PARP14: variants seen among roughly 807,000 people sequenced by gnomAD.
The protein encoded by PARP14 is poly(ADP-ribose) polymerase family member 14, also known as protein mono-ADP-ribosyltransferase PARP14.
Under a neutral mutation model 154.2 loss-of-function variants are expected in PARP14, and 59 were observed. That is an observed-to-expected ratio of 0.38 (90% CI 0.31 to 0.48). The LOEUF (loss-of-function observed/expected upper bound fraction) is 0.48, where lower values mean the gene tolerates loss of function less well. Among genes scored for constraint, PARP14 ranks in the 20% least tolerant of loss-of-function variants. The probability of loss-of-function intolerance (pLI) is 0.98; values close to 1 mark genes in which losing one functional copy is unlikely to be tolerated. For missense variants in PARP14, 1,734 were observed against 2,131.6 expected (o/e 0.81, Z 3.67); for synonymous variants, 720 against 780.5 (o/e 0.92, Z 1.29).
intron 4 of PARP14, 82 bp downstream of exon 4, chr3:122,692,625 T>A (rs985223096): frequency 6.5e-5 from 79 of 1,211,688 alleles, no homozygotes; most frequent in Middle Eastern, 2.0e-4. Flanking sequence ...GGGACATCTC[T>A]GAAAGTTTGA....
In PARP14 at chr3:122,718,294, T is replaced by C. The variant is rs138508840; in HGVS notation, c.4207+17T>C. ...AACTTGCATGTGAGTTCTTTGTTTT[T>C]ATGAAATGCATGTTCATAACGTTGA... On this transcript the variant is annotated intron_variant, in intron 13 of 16. Coordinates refer to ENST00000474629, the MANE Select transcript of PARP14 (RefSeq NM_017554.3). 125 of 1,612,970 alleles carry C rather than the reference T, an allele frequency of 7.7e-5. No homozygotes were observed. The African/African-American group carries it at 1.5e-3, about 19-fold the overall frequency.
rs776120839 is a variant in PARP14 at position 122,695,567 on chromosome 3, T to G, written c.740T>G (p.Phe247Cys). Residue 247 changes from phenylalanine to cysteine, a missense_variant, in exon 5 of 17, where the codon TTC becomes TGC. Transcript: ENST00000474629. ...PGADDYSLKL[F>C]FENPYNGGGR... ...GCTGATGACTACAGTTTAAAACTTTTCTTTGAAAATCCCTATAATGGAGGG... is the reference window on the plus strand; with the variant it reads ...GCTGATGACTACAGTTTAAAACTTTGCTTTGAAAATCCCTATAATGGAGGG... 13 of 1,610,566 alleles carry G rather than the reference T, an allele frequency of 8.1e-6. No individual in the cohort carries two copies. In the Admixed American group the frequency reaches 1.5e-4, roughly 19 times the overall value.
chr3:122,714,843 C>T (rs1469550166), intron 12 of PARP14, among the ~76,000 whole-genome samples: 1 of 152,192 alleles, frequency 6.6e-6, no homozygotes, highest in Non-Finnish European at 1.5e-5. Flanking sequence ...AGTACAACAA[C>T]TTCCACCTCA....
chr3:122,706,216 A>C (rs1036242397), intron 8 of PARP14, among the ~76,000 whole-genome samples: 2 of 152,224 alleles, frequency 1.3e-5, no homozygotes, highest in African/African-American at 4.8e-5. Flanking sequence ...GAATTAGTCT[A>C]TACAGATGCC....
At chr3:122,723,763 C>T (rs752113698) in intron 15 of PARP14, among the ~76,000 whole-genome samples, 3 of 152,272 alleles carry the variant, frequency 2.0e-5, no homozygotes, top group Middle Eastern at 3.4e-3. Flanking sequence ...GATGATACTT[C>T]GTCAGCATAT....
At chr3:122,723,959 A>G (rs1006362511) in intron 15 of PARP14, among the ~76,000 whole-genome samples, 2 of 152,118 alleles carry the variant, frequency 1.3e-5, no homozygotes, top group South Asian at 2.1e-4. Context: ...TTTGAAAAAA[A>G]TCAGTATGTT....
intron 1 of PARP14, among the ~76,000 whole-genome samples, chr3:122,682,052 A>G (rs1357463080): frequency 1.3e-5 from 2 of 152,192 alleles, no homozygotes; most frequent in Admixed American, 6.5e-5. Flanking sequence ...GGGATCCAAA[A>G]AGGAAAAATG....
At chr3:122,714,458 A>G in intron 12 of PARP14, 29 bp downstream of exon 12, 1 of 1,508,434 alleles carries the variant, frequency 6.6e-7, no homozygotes. Context: ...TCAAGGCTAA[A>G]TCCCAAGCCA....
chr3:122,727,705 C>T (rs1933322595), intron 15 of PARP14, 107 bp from the exon 16 acceptor site: 2 of 610,616 alleles, frequency 3.3e-6, no homozygotes, highest in South Asian at 3.5e-5. Context: ...ATTGGATTTG[C>T]TGTTTAGTGT....
chr3:122,685,078 G>T, intron 1 of PARP14, 107 bp from the exon 2 acceptor site: 1 of 1,252,510 alleles, frequency 8.0e-7, no homozygotes, highest in South Asian at 1.4e-5. Context: ...TTGAGAAACC[G>T]ACCAAGCCAT....
At position 122,713,919 on chromosome 3, in the gene PARP14, G is replaced by C; in HGVS notation, c.3817G>C (p.Glu1273Gln). ...ATGTGCTGGACAAAATGTAGAAAGG[G>C]AATGTTCTCAGCAAGGTAAGGCATA... The part of the protein sequence containing the change: ...LECAGQNVER[E>Q]CSQQAQQRKN... Residue 1273 changes from glutamate (E) to glutamine (Q), a missense_variant, in exon 11 of 17, where the codon GAA becomes CAA. Transcript: ENST00000474629. 6.2e-7 allele frequency: 1 copy of C among 1,612,612 alleles called. No individual in the cohort carries two copies. Among genetic ancestry groups the C allele is most frequent in the Non-Finnish European group, 8.5e-7 (1 of 1,178,696 alleles).
rs143643912 is a variant in PARP14, at chr3:122,686,390, T to C, written c.322-690T>C. 6.9e-3 allele frequency among the ~76,000 whole-genome samples: 1,054 copies of C among 152,104 alleles called. 5 individuals are homozygous for C. The highest frequency in any genetic ancestry group is 0.022 in the African/African-American group (922 of 41,494). On this transcript the variant is annotated intron_variant, in intron 2 of 16. Transcript: ENST00000474629. ...GGCTGCTCTTGAACTGCTGGGCTCATGTGATCCACTTGCCTTGGCCTCCCA... is the reference window on the plus strand; with the variant it reads ...GGCTGCTCTTGAACTGCTGGGCTCACGTGATCCACTTGCCTTGGCCTCCCA...
Position 122,700,280 on chromosome 3 carries a change from C to G in PARP14, c.1726C>G (p.Leu576Val). 1 of 1,613,128 alleles carries G rather than the reference C, an allele frequency of 6.2e-7. No individual in the cohort carries two copies. The part of the protein sequence containing the change: ...ALYELEGTTV[L>V]LTSCSSEALL... Reference sequence around the variant, plus strand: ...TTATGAGCTAGAGGGTACAACTGTTCTCTTAACCAGCTGTTCTTCTGAAGC... The same window carrying G: ...TTATGAGCTAGAGGGTACAACTGTTGTCTTAACCAGCTGTTCTTCTGAAGC... Residue 576 changes from leucine (L) to valine (V), a missense_variant, in exon 6 of 17, where the codon CTC becomes GTC. Physicochemically the swap from Leu to Val is conservative, Grantham distance 32 (BLOSUM62 1). Around this residue, in one of 2 missense-constraint regions of PARP14, gnomAD observed 1,646 missense variants for 1,976.0 expected, o/e 0.83. Transcript: ENST00000474629.
intron 15 of PARP14, among the ~76,000 whole-genome samples, chr3:122,725,926 A>T (rs1330075087): frequency 2.0e-5 from 3 of 152,080 alleles, no homozygotes; most frequent in Non-Finnish European, 4.4e-5. Context: ...GTTGTTAGTT[A>T]TACATTCTAA....
chr3:122,693,418 A>C (rs756984840), intron 4 of PARP14, among the ~76,000 whole-genome samples: 4 of 152,190 alleles, frequency 2.6e-5, no homozygotes, highest in Non-Finnish European at 5.9e-5. Context: ...CTGCCATTTA[A>C]CTAGTTATAT....
intron 16 of PARP14, 131 bp from the exon 17 acceptor site, chr3:122,728,177 G>A (rs1056952676): frequency 1.0e-5 from 10 of 957,424 alleles, no homozygotes; most frequent in African/African-American, 1.7e-5. Context: ...AAAAATTGAT[G>A]ATTAAAAGTG....
chr3:122,715,595 C>CTATCT (rs773976481), intron 12 of PARP14, among the ~76,000 whole-genome samples: 2 of 142,468 alleles, frequency 1.4e-5, no homozygotes, highest in African/African-American at 5.3e-5. Context: ...CTCTACCAGT[C>CTATCT]ATCTATCTAT....
chr3:122,681,503 T>C lies in PARP14; in HGVS notation c.187+433T>C, dbSNP rs1425783057. ...AACGTGGCAAGTCACAGAGATTCCTTGTGGTTCTTGGAGATTCCCAGGGGT... is the reference window on the plus strand; with the variant it reads ...AACGTGGCAAGTCACAGAGATTCCTCGTGGTTCTTGGAGATTCCCAGGGGT... On this transcript the variant is annotated intron_variant, in intron 1 of 16. Transcript: ENST00000474629. This position sits in a 1 kb window ranked among gnomAD's most constrained non-coding sequence, Gnocchi z 5.5. Among the ~76,000 whole-genome samples the C allele has an allele frequency of 6.6e-6, 1 of 152,082 alleles. No homozygotes were observed. Among genetic ancestry groups the C allele is most frequent in the Non-Finnish European group, 1.5e-5 (1 of 68,012 alleles).
At chr3:122,728,042 A>G (rs1933334255) in intron 16 of PARP14, 56 bp downstream of exon 16, 1 of 1,502,140 alleles carries the variant, frequency 6.7e-7, no homozygotes, top group East Asian at 2.3e-5. Context: ...TGAGAGCCCG[A>G]GTTGGCTGGG....
Sources: gnomAD v4.1 joint callset for allele counts (sites outside exome capture counted in the v4.1 genomes callset) on GRCh38, gnomAD v4.1.1 for gene constraint, gnomAD v4.1.1 regional missense constraint, Gnocchi (gnomAD v3.1) non-coding constraint, MANE v1.5 for transcripts, NCBI Gene and HGNC (gene_info 2026-07-23, HGNC 2026-07-21) for gene names.